The following PCDH7 variants were observed in gnomAD, a reference collection of about 807,000 sequenced individuals.
PCDH7 encodes protocadherin 7, also known as protocadherin-7.
PCDH7 carries 17 observed loss-of-function variants against 58.9 expected under a neutral mutation model. The ratio of observed to expected loss-of-function variants is 0.29; its 90% CI spans 0.20 to 0.43. The LOEUF (loss-of-function observed/expected upper bound fraction) is 0.43. Ranked by LOEUF, PCDH7 falls within the 20% of genes least tolerant of loss-of-function variation. The probability of loss-of-function intolerance (pLI) is 1.00; values close to 1 mark genes in which losing one functional copy is unlikely to be tolerated. For missense variants in PCDH7, 1,274 were observed against 1,441.0 expected (o/e 0.88, Z 1.88); for synonymous variants, 664 against 616.4 (o/e 1.08, Z -1.14).
intron 1 of PCDH7, among the ~76,000 whole-genome samples, chr4:30,795,889 T>A (rs1724709275): frequency 6.6e-6 from 1 of 152,232 alleles, no homozygotes; most frequent in South Asian, 2.1e-4. Context: ...ATTGTGAGAA[T>A]AAGAGTTTCT....
chr4:31,003,183 A>G (rs746582179), intron 3 of PCDH7, among the ~76,000 whole-genome samples: 5 of 152,062 alleles, frequency 3.3e-5, no homozygotes, highest in Non-Finnish European at 7.4e-5. Flanking sequence ...CCAGAAGCAT[A>G]CTTTCATTTA....
intron 3 of PCDH7, among the ~76,000 whole-genome samples, chr4:30,954,556 A>G (rs989101478): frequency 6.6e-6 from 1 of 152,146 alleles, no homozygotes; most frequent in Non-Finnish European, 1.5e-5. Flanking sequence ...TCTTAAAACA[A>G]CAGGGAACAT....
At position 30,912,070 on chromosome 4, in the gene PCDH7, G is replaced by A. The variant is rs1307898448; in HGVS notation, c.71-8083G>A. 5.3e-5 allele frequency among the ~76,000 whole-genome samples: 8 copies of A among 152,106 alleles called. No homozygotes were observed. In the East Asian group the frequency reaches 1.5e-3, roughly 29 times the overall value. On this transcript the variant is annotated intron_variant, in intron 1 of 3. Transcript: ENST00000509759. The stretch of plus-strand genomic sequence containing the variant: ...GTTATTTAACTTCTGCCCCAAATGA[G>A]AGTTTTAATTAATGAATCCAAATGT...
chr4:31,038,572 G>T (rs1755601064), intron 3 of PCDH7, among the ~76,000 whole-genome samples: 3 of 152,134 alleles, frequency 2.0e-5, no homozygotes, highest in South Asian at 4.1e-4. Flanking sequence ...ATCTTCAAAA[G>T]ATATTATTTT....
In PCDH7 at chr4:31,084,844, G is replaced by A. The variant is rs138446382; in HGVS notation, c.*8-57629G>A. Among the ~76,000 whole-genome samples the A allele has an allele frequency of 1.1e-3, 163 of 151,750 alleles. 5 individuals carry two copies. The South Asian group carries it at 0.017, about 16-fold the overall frequency. ...ACATACTTTTAAACAACCAGATCTTGCATGAACTCAAAGCAAGAACTCACT... is the reference window on the plus strand; with the variant it reads ...ACATACTTTTAAACAACCAGATCTTACATGAACTCAAAGCAAGAACTCACT... On this transcript the variant is annotated intron_variant, in intron 3 of 3. Transcript: ENST00000509759.
chr4:30,925,448 A>T (rs1040120623), intron 2 of PCDH7, among the ~76,000 whole-genome samples: 1 of 152,180 alleles, frequency 6.6e-6, no homozygotes, highest in Non-Finnish European at 1.5e-5. Flanking sequence ...TGCCTCTTCC[A>T]TCTTTCCAAA....
intron 3 of PCDH7, among the ~76,000 whole-genome samples, chr4:31,118,180 C>T (rs986845465): frequency 3.9e-5 from 6 of 152,094 alleles, no homozygotes; most frequent in African/African-American, 9.7e-5. Flanking sequence ...CCCTCAGTGA[C>T]TTATAAAAAC....
chr4:31,007,780 T>C (rs1428747147), intron 3 of PCDH7, among the ~76,000 whole-genome samples: 1 of 152,190 alleles, frequency 6.6e-6, no homozygotes, highest in Non-Finnish European at 1.5e-5. Flanking sequence ...TAATTAAATA[T>C]GTATTTATTA....
At chr4:31,002,457 T>C (rs1752433147) in intron 3 of PCDH7, among the ~76,000 whole-genome samples, 1 of 152,228 alleles carries the variant, frequency 6.6e-6, no homozygotes, top group Admixed American at 6.5e-5. Context: ...ATAAATAAGC[T>C]TGGTAGAGTT....
chr4:30,885,134 T>C lies in PCDH7; in HGVS notation c.71-35019T>C, dbSNP rs1737533585. On this transcript the variant is annotated intron_variant, in intron 1 of 3. Transcript: ENST00000509759. ...ATATATGGGATGGCTGATAGTAGAT[T>C]TTTAATTACTCTAGTGCCTCAGAAT... 3 of 152,278 alleles carry C rather than the reference T, an allele frequency of 2.0e-5. No individual in the cohort carries two copies. In the South Asian group the frequency reaches 6.2e-4, roughly 32 times the overall value. 9.4% of individuals were successfully genotyped at this position (152,278 alleles called of 1,614,324 possible).
At chr4:31,070,280 T>C (rs1758440172) in intron 3 of PCDH7, among the ~76,000 whole-genome samples, 2 of 152,054 alleles carry the variant, frequency 1.3e-5, no homozygotes, top group Admixed American at 6.6e-5. Flanking sequence ...CATTCAACAG[T>C]GTAATTTTTG....
intron 1 of PCDH7, among the ~76,000 whole-genome samples, chr4:30,852,943 G>A (rs1021741600): frequency 6.6e-6 from 1 of 151,792 alleles, no homozygotes; most frequent in African/African-American, 2.4e-5. Flanking sequence ...GATGGTAAAT[G>A]GGTTTCATTC....
intron 3 of PCDH7, among the ~76,000 whole-genome samples, chr4:31,115,887 G>T (rs1055940799): frequency 6.6e-6 from 1 of 152,058 alleles, no homozygotes; most frequent in Non-Finnish European, 1.5e-5. Context: ...AAACAGATAA[G>T]AAAAACCTCC....
intron 3 of PCDH7, among the ~76,000 whole-genome samples, chr4:31,116,582 C>G (rs1717010395): frequency 1.3e-5 from 2 of 152,124 alleles, no homozygotes; most frequent in African/African-American, 2.4e-5. Flanking sequence ...CAGATCATAG[C>G]GACTTTGTTA....
At chr4:30,821,870 A>G (rs1280421122) in intron 1 of PCDH7, among the ~76,000 whole-genome samples, 1 of 152,160 alleles carries the variant, frequency 6.6e-6, no homozygotes, top group African/African-American at 2.4e-5. Context: ...CTGCATACTG[A>G]TGTAACAAGA....
At chr4:30,944,538 A>G (rs112152592) in intron 2 of PCDH7, among the ~76,000 whole-genome samples, 61 of 152,242 alleles carry the variant, frequency 4.0e-4, no homozygotes, top group African/African-American at 8.4e-4. Flanking sequence ...GACTAAATTA[A>G]CCTCTGGCAC....
intron 1 of PCDH7, among the ~76,000 whole-genome samples, chr4:30,904,911 T>C (rs1740722648): frequency 6.6e-6 from 1 of 152,178 alleles, no homozygotes; most frequent in Admixed American, 6.5e-5. Flanking sequence ...TTGATTCCTG[T>C]GAGACATTTT....
chr4:30,912,766 G>A (rs1741960962), intron 1 of PCDH7, among the ~76,000 whole-genome samples: 1 of 152,090 alleles, frequency 6.6e-6, no homozygotes, highest in African/African-American at 2.4e-5. Flanking sequence ...TCCCCATAAA[G>A]GTAGTGTCAC....
At chr4:31,074,233 C>T (rs1312206685) in intron 3 of PCDH7, among the ~76,000 whole-genome samples, 2 of 151,216 alleles carry the variant, frequency 1.3e-5, no homozygotes, top group African/African-American at 4.9e-5. Context: ...CTCCTTCTAT[C>T]TCACATCCCC....
Sources: allele counts gnomAD v4.1 joint callset (sites outside exome capture counted in the v4.1 genomes callset), GRCh38; gene constraint gnomAD v4.1.1; transcripts MANE v1.5; gene names NCBI Gene and HGNC (gene_info 2026-07-23, HGNC 2026-07-21).